The following SPECC1 variants were observed in gnomAD, a reference collection of about 807,000 sequenced individuals.
The protein encoded by SPECC1 is cytospin-B.
SPECC1 carries 62 observed loss-of-function variants against 104.1 expected under a neutral mutation model. That is an observed-to-expected ratio of 0.60 (90% CI 0.49 to 0.74). The LOEUF (loss-of-function observed/expected upper bound fraction) is 0.74, where lower values mean the gene tolerates loss of function less well. SPECC1 is among the 30% of genes least tolerant of loss of function. The pLI is 0.00. For missense variants in SPECC1, 1,306 were observed against 1,310.5 expected, an observed-to-expected ratio of 1.00 and a Z score of 0.05; for synonymous variants, 513 against 501.6, an observed-to-expected ratio of 1.02 and a Z score of -0.30.
chr17:20,143,616 G>A (rs986011087), intron 3 of SPECC1, among the ~76,000 whole-genome samples: 13 of 151,894 alleles, frequency 8.6e-5, no homozygotes, highest in African/African-American at 2.7e-4. Context: ...CCTGGGAGGC[G>A]GAGGTTGAGC....
At chr17:20,289,626 C>G (rs2041089128) in intron 12 of SPECC1, among the ~76,000 whole-genome samples, 1 of 152,150 alleles carries the variant, frequency 6.6e-6, no homozygotes, top group African/African-American at 2.4e-5. Context: ...CACTTTTATA[C>G]TGTTGGTGGG....
At chr17:20,283,295 C>T (rs1408469234) in intron 12 of SPECC1, among the ~76,000 whole-genome samples, 1 of 152,230 alleles carries the variant, frequency 6.6e-6, no homozygotes, top group Non-Finnish European at 1.5e-5. Context: ...AGGTAGCTTT[C>T]CGCTGCCAGA....
intron 3 of SPECC1, among the ~76,000 whole-genome samples, chr17:20,146,675 G>A (rs990337694): frequency 6.6e-5 from 10 of 152,176 alleles, no homozygotes; most frequent in African/African-American, 2.4e-4. Flanking sequence ...GGGAGGCTGA[G>A]GCGGGTGGAA....
chr17:20,088,645 C>T (rs2152497611), intron 1 of SPECC1, among the ~76,000 whole-genome samples: 1 of 152,320 alleles, frequency 6.6e-6, no homozygotes, highest in South Asian at 2.1e-4. Flanking sequence ...CCGCAAGTTT[C>T]ATTGGAAGTG....
chr17:20,227,575 C>T lies in SPECC1; in HGVS notation c.2026C>T (p.Arg676Trp), dbSNP rs367708764. 36 of 1,611,958 alleles carry T rather than the reference C, an allele frequency of 2.2e-5. No homozygotes were observed. The highest frequency in any genetic ancestry group is 8.0e-5 in the African/African-American group (6 of 74,802). ...ATTGGAAGATCAGGTGGAACAGCAC[C>T]GGGCTGTCAAGTTACACAATAATCA... ...FELEDQVEQH[R>W]AVKLHNNQLI... The change falls in exon 5 of 15, where the codon CGG (arginine) becomes TGG (tryptophan). Residue 676 changes from arginine to tryptophan, a missense_variant. Arg to Trp is a moderately radical substitution (Grantham distance 101). Coordinates refer to ENST00000395527, the MANE Select transcript of SPECC1 (RefSeq NM_001243439.2).
At chr17:20,154,263 C>T (rs1371180852) in intron 3 of SPECC1, among the ~76,000 whole-genome samples, 4 of 152,108 alleles carry the variant, frequency 2.6e-5, no homozygotes, top group African/African-American at 9.7e-5. Flanking sequence ...GTCACAGAGG[C>T]CAGCAAAGTA....
intron 12 of SPECC1, among the ~76,000 whole-genome samples, chr17:20,287,908 A>T (rs563024260): frequency 2.2e-4 from 33 of 152,210 alleles, no homozygotes; most frequent in Non-Finnish European, 4.0e-4. Flanking sequence ...TCACCTAGGT[A>T]TTAAGCTCAA....
chr17:20,113,687 G>A (rs1597734906), intron 3 of SPECC1, among the ~76,000 whole-genome samples: 2 of 152,152 alleles, frequency 1.3e-5, no homozygotes, highest in African/African-American at 2.4e-5. Context: ...GTGGAACTCC[G>A]GATGGAGGAA....
At chr17:20,019,703 A>G (rs2044296105) in intron 1 of SPECC1, among the ~76,000 whole-genome samples, 1 of 152,204 alleles carries the variant, frequency 6.6e-6, no homozygotes. Flanking sequence ...ATGGTCTTTA[A>G]TTAGCCATAT....
At chr17:20,232,597 AAGAGG>A (rs2038667594) in intron 7 of SPECC1, 192 bp downstream of exon 7, 1 of 669,590 alleles carries the variant, frequency 1.5e-6, no homozygotes, top group African/African-American at 1.8e-5. Flanking sequence ...GCTGCAGCAT[AAGAGG>A]CTGCTAAGCT....
At chr17:20,093,203 T>C (rs1261103449) in intron 1 of SPECC1, among the ~76,000 whole-genome samples, 1 of 152,148 alleles carries the variant, frequency 6.6e-6, no homozygotes, top group Admixed American at 6.6e-5. Context: ...TGCCACTAGA[T>C]TTGGTATCTG....
chr17:20,103,740 G>A (rs1391053515), intron 2 of SPECC1, among the ~76,000 whole-genome samples: 2 of 152,110 alleles, frequency 1.3e-5, no homozygotes, highest in Admixed American at 6.6e-5. Flanking sequence ...TCCCCAGGAC[G>A]TCCGCATCCC....
intron 1 of SPECC1, among the ~76,000 whole-genome samples, chr17:20,047,356 T>C (rs111546274): frequency 6.6e-5 from 10 of 152,316 alleles, no homozygotes; most frequent in African/African-American, 2.4e-4. Flanking sequence ...TTTTTCCGCA[T>C]TATGGGTCAC....
Position 20,156,221 on chromosome 17 carries a change from G to A in SPECC1, c.283+45659G>A, listed in dbSNP as rs774293627. On this transcript the variant is annotated intron_variant, in intron 3 of 14. Coordinates refer to ENST00000395527, the MANE Select transcript of SPECC1 (RefSeq NM_001243439.2). ...CATGGGCAACCACTCAGGACGGCCCGAGGATCCGGAACCAGGTCTGTGCGG... is the reference window on the plus strand; with the variant it reads ...CATGGGCAACCACTCAGGACGGCCCAAGGATCCGGAACCAGGTCTGTGCGG... 2.5e-5 allele frequency: 35 copies of A among 1,412,790 alleles called. No individual in the cohort carries two copies. In the African/African-American group the frequency reaches 4.4e-4, roughly 18 times the overall value. The allele number at this position is 1,412,790 out of a possible 1,614,324, so 87.5% of individuals were successfully genotyped here. A position where few individuals can be genotyped will look rare whatever the true frequency, so the allele number is the denominator to read the frequency against.
intron 12 of SPECC1, 147 bp downstream of exon 12, chr17:20,260,441 T>C (rs2039986194): frequency 1.5e-6 from 1 of 687,546 alleles, no homozygotes; most frequent in South Asian, 2.4e-5. Context: ...TGCCAGGGAA[T>C]GTTTGATATT....
chr17:20,078,595 G>A (rs900074349), intron 1 of SPECC1, among the ~76,000 whole-genome samples: 2 of 152,234 alleles, frequency 1.3e-5, no homozygotes, highest in East Asian at 3.9e-4. Flanking sequence ...ACAAAAATTA[G>A]TAAAGCTTTT....
intron 12 of SPECC1, among the ~76,000 whole-genome samples, chr17:20,292,435 A>G (rs768248975): frequency 6.6e-6 from 1 of 151,832 alleles, no homozygotes; most frequent in Non-Finnish European, 1.5e-5. Flanking sequence ...GGTTCAAGCA[A>G]TTCTCCTGCC....
At chr17:20,181,275 A>G (rs1329051169) in intron 3 of SPECC1, among the ~76,000 whole-genome samples, 2 of 152,096 alleles carry the variant, frequency 1.3e-5, no homozygotes, top group African/African-American at 4.8e-5. Context: ...AGAAAAAAGT[A>G]CAAAATAAAG....
At chr17:20,199,006 G>A (rs927953558) in intron 3 of SPECC1, among the ~76,000 whole-genome samples, 4 of 150,932 alleles carry the variant, frequency 2.7e-5, no homozygotes, top group African/African-American at 7.3e-5. Context: ...TTTTCCCTCC[G>A]AACTTTGAAG....
Sources: gnomAD v4.1 joint callset for allele counts (sites outside exome capture counted in the v4.1 genomes callset) on GRCh38, gnomAD v4.1.1 for gene constraint, MANE v1.5 for transcripts, NCBI Gene and HGNC (gene_info 2026-07-23, HGNC 2026-07-21) for gene names.